Variants in SPA17 observed in about 807,000 individuals in gnomAD.
SPA17 encodes sperm autoantigenic protein 17, also known as sperm surface protein Sp17.
Under a neutral mutation model 13.8 loss-of-function variants are expected in SPA17, and 7 were observed. That is an observed-to-expected ratio of 0.51 (90% CI 0.29 to 0.95). The LOEUF (loss-of-function observed/expected upper bound fraction) is 0.95. Ranked by LOEUF, SPA17 falls within the 40% of genes least tolerant of loss-of-function variation. The pLI is 0.08. For synonymous variants in SPA17, 61 were observed against 59.0 expected (o/e 1.03, Z -0.16); for missense variants, 170 against 179.3 (o/e 0.95, Z 0.30).
intron 3 of SPA17, among the ~76,000 whole-genome samples, chr11:124,689,545 G>A (rs536424812): frequency 6.6e-6 from 1 of 152,288 alleles, no homozygotes; most frequent in East Asian, 1.9e-4. Context: ...CCAGCACTTT[G>A]GGAGGCAAGG....
chr11:124,679,669 A>C (rs574699386), intron 2 of SPA17, among the ~76,000 whole-genome samples: 1 of 152,198 alleles, frequency 6.6e-6, no homozygotes, highest in Non-Finnish European at 1.5e-5. Flanking sequence ...TCTAAATACC[A>C]TTCCCAGGAA....
At chr11:124,692,622 G>C (rs556666841) in intron 4 of SPA17, among the ~76,000 whole-genome samples, 1 of 152,066 alleles carries the variant, frequency 6.6e-6, no homozygotes, top group African/African-American at 2.4e-5. Context: ...ACCCTCAAAG[G>C]CCCATTGTTC....
chr11:124,675,214 C>A, intron 1 of SPA17, 24 bp from the exon 2 acceptor site: 2 of 1,570,508 alleles, frequency 1.3e-6, no homozygotes, highest in Non-Finnish European at 1.7e-6. Context: ...AATTTAAAGA[C>A]AGTACTCTTT....
At chr11:124,691,851 T>G in intron 4 of SPA17, 69 bp downstream of exon 4, 1 of 942,458 alleles carries the variant, frequency 1.1e-6, no homozygotes, top group Non-Finnish European at 1.6e-6. Context: ...AAAACTGAAC[T>G]CCAAATATGA....
rs1555103928 is a variant in SPA17 at position 124,694,390 on chromosome 11, G to GCC, written c.401_402insCC (p.Lys135GlnfsTer4). ...CCGGGGACACATAGCCAGAGAGGAG[G>GCC]CAAAGAAAATGAAAACAAATAGTCT... On this transcript the variant is annotated frameshift_variant, in exon 5 of 5. Coordinates refer to ENST00000227135, the MANE Select transcript of SPA17 (RefSeq NM_017425.4). LOFTEE classifies it low-confidence loss of function (END_TRUNC). 3 of 1,613,768 alleles carry GCC rather than the reference G, an allele frequency of 1.9e-6. No homozygotes were observed. Among genetic ancestry groups the GCC allele is most frequent in the Non-Finnish European group, 2.5e-6 (3 of 1,179,940 alleles).
At chr11:124,683,243 A>C (rs997302317) in intron 3 of SPA17, among the ~76,000 whole-genome samples, 8 of 152,202 alleles carry the variant, frequency 5.3e-5, no homozygotes, top group Non-Finnish European at 1.2e-4. Flanking sequence ...GAAATCCTAA[A>C]CTTGGAAGCA....
At position 124,691,671 on chromosome 11, in the gene SPA17, T is replaced by C. The variant is rs1483810703; in HGVS notation, c.226-25T>C. 3.3e-6 allele frequency: 5 copies of C among 1,533,298 alleles called. No individual in the cohort carries two copies. In the South Asian group the frequency reaches 6.1e-5, roughly 19 times the overall value. 95.0% of individuals were successfully genotyped at this position (1,533,298 alleles called of 1,614,324 possible). ...TTTGCCATTTTGGAAACATTGCTAA[T>C]TGTGGCTCTCTCCTATCTGTCCAGG... On this transcript the variant is annotated intron_variant, in intron 3 of 4. Transcript: ENST00000227135.
chr11:124,677,136 A>G (rs987663277), intron 2 of SPA17, among the ~76,000 whole-genome samples: 5 of 152,206 alleles, frequency 3.3e-5, no homozygotes, highest in Non-Finnish European at 5.9e-5. Flanking sequence ...CTAATAAACA[A>G]TGGGTAAAAC....
intron 3 of SPA17, among the ~76,000 whole-genome samples, chr11:124,684,904 C>T (rs1241961224): frequency 1.3e-5 from 2 of 152,300 alleles, no homozygotes; most frequent in East Asian, 3.9e-4. Flanking sequence ...AAATAATTTA[C>T]AGTATCTGGT....
In SPA17 at chr11:124,675,337, C is replaced by T. The variant is rs191029144; in HGVS notation, c.73C>T (p.Arg25Cys). Residue 25 changes from arginine (R) to cysteine (C), a missense_variant, in exon 2 of 5, where the codon CGC becomes TGC. Transcript: ENST00000227135. ...GFGNLLEGLT[R>C]EILREQPDNI... is the part of the protein sequence containing the mutation. Reference sequence around the variant, plus strand: ...TGGGAATCTTCTTGAAGGGCTGACACGCGAGATTCTGAGAGAGCAACCGGA... The same window carrying T: ...TGGGAATCTTCTTGAAGGGCTGACATGCGAGATTCTGAGAGAGCAACCGGA... 108 of 1,614,170 alleles carry T rather than the reference C, an allele frequency of 6.7e-5. No homozygotes were observed. In the East Asian group the frequency reaches 2.1e-3, roughly 31 times the overall value.
rs1565427361 is a variant in SPA17 at position 124,694,650 on chromosome 11, G to C, written c.*204G>C. 1 of 582,300 alleles carries C rather than the reference G, an allele frequency of 1.7e-6. No homozygotes were observed. The highest frequency in any genetic ancestry group is 2.8e-6 in the Non-Finnish European group (1 of 351,902). 36.1% of individuals were successfully genotyped at this position (582,300 alleles called of 1,614,324 possible). A position where few individuals can be genotyped will look rare whatever the true frequency, so the allele number is the denominator to read the frequency against. ...AAGATTTCTCTGAGATCATGAGTTT[G>C]TTTACACTTGTCTCAAGCCTATCTA... On this transcript the variant is annotated 3_prime_UTR_variant, in exon 5 of 5. Coordinates refer to ENST00000227135, the MANE Select transcript of SPA17 (RefSeq NM_017425.4).
intron 3 of SPA17, among the ~76,000 whole-genome samples, chr11:124,687,495 C>A (rs1372073692): frequency 2.0e-5 from 3 of 152,084 alleles, no homozygotes; most frequent in Non-Finnish European, 4.4e-5. Flanking sequence ...AAGGACCCAA[C>A]AAAAACAGAA....
chr11:124,675,703 G>A (rs929455699), intron 2 of SPA17: 7 of 252,338 alleles, frequency 2.8e-5, no homozygotes, highest in Admixed American at 5.2e-5. Context: ...CATTTCTCGG[G>A]AGAAATCAGT....
intron 3 of SPA17, among the ~76,000 whole-genome samples, chr11:124,683,158 A>G (rs1943544197): frequency 6.6e-6 from 1 of 152,230 alleles, no homozygotes; most frequent in African/African-American, 2.4e-5. Context: ...TGAAAGAGAA[A>G]TAAAGTATTT....
At chr11:124,674,721 A>G (rs1206229849) in intron 1 of SPA17, 1 of 151,764 alleles carries the variant, frequency 6.6e-6, no homozygotes, top group Non-Finnish European at 1.5e-5. Context: ...CCCATTCCAC[A>G]GTACGAAGGT....
rs145895768 is a variant in SPA17 at position 124,678,820 on chromosome 11, G to A, written c.155-2569G>A. On this transcript the variant is annotated intron_variant, in intron 2 of 4. Transcript: ENST00000227135. ...TGAGCTCAAGCATCCGCCAGCCTCCGCCTCCTAAAGTTCTGGGATTACAAG... is the reference window on the plus strand; with the variant it reads ...TGAGCTCAAGCATCCGCCAGCCTCCACCTCCTAAAGTTCTGGGATTACAAG... Among the ~76,000 whole-genome samples, 604 of 152,078 alleles carry A rather than the reference G, an allele frequency of 4.0e-3. 1 individual carries two copies. The highest frequency in any genetic ancestry group is 7.3e-3 in the Non-Finnish European group (496 of 67,978).
At chr11:124,675,941 C>T (rs1182764064) in intron 2 of SPA17, 1 of 152,438 alleles carries the variant, frequency 6.6e-6, no homozygotes, top group African/African-American at 2.4e-5. Flanking sequence ...ACGGCACAGA[C>T]AAACTGATTT....
At chr11:124,676,820 C>G (rs1203558134) in intron 2 of SPA17, among the ~76,000 whole-genome samples, 1 of 152,146 alleles carries the variant, frequency 6.6e-6, no homozygotes, top group African/African-American at 2.4e-5. Context: ...ACAAAATTGT[C>G]TCTACACCAA....
chr11:124,674,212 C>T (rs1306203880), intron 1 of SPA17: 1 of 154,032 alleles, frequency 6.5e-6, no homozygotes, highest in Non-Finnish European at 1.4e-5. Context: ...TAGAATGGTT[C>T]GATACCCCCA....
Sources: allele counts gnomAD v4.1 joint callset (sites outside exome capture counted in the v4.1 genomes callset), GRCh38; gene constraint gnomAD v4.1.1; transcripts MANE v1.5; gene names NCBI Gene and HGNC (gene_info 2026-07-23, HGNC 2026-07-21).